CTNND2: variants seen among roughly 807,000 people sequenced by gnomAD.
CTNND2 encodes catenin delta 2.
In CTNND2, 22 loss-of-function variants were observed where a neutral mutation model predicts 144.4. That is an observed-to-expected ratio of 0.15 (90% CI 0.11 to 0.22). CTNND2 has a LOEUF of 0.22. CTNND2 is among the 10% of genes least tolerant of loss of function. The probability of loss-of-function intolerance (pLI) is 1.00; values close to 1 mark genes in which losing one functional copy is unlikely to be tolerated. For synonymous variants in CTNND2, 751 were observed against 695.6 expected (o/e 1.08, Z -1.25); for missense variants, 1,353 against 1,618.8 (o/e 0.84, Z 2.82).
intron 3 of CTNND2, among the ~76,000 whole-genome samples, chr5:11,483,630 CT>C (rs1334157564): frequency 6.6e-6 from 1 of 152,226 alleles, no homozygotes; most frequent in Non-Finnish European, 1.5e-5. Flanking sequence ...TCCTACTTCA[CT>C]CACTTGCGAA....
Position 11,903,896 on chromosome 5 carries a change from T to C in CTNND2, c.-43A>G. 7.1e-7 allele frequency: 1 copy of C among 1,406,752 alleles called. No individual in the cohort carries two copies. Among genetic ancestry groups the C allele is most frequent in the Admixed American group, 3.3e-5 (1 of 30,078 alleles). The allele number at this position is 1,406,752 out of a possible 1,614,324, so 87.1% of individuals were successfully genotyped here. A position where few individuals can be genotyped will look rare whatever the true frequency, so the allele number is the denominator to read the frequency against. On this transcript the variant is annotated 5_prime_UTR_variant, in exon 1 of 22. Transcript: ENST00000304623. This position sits in a 1 kb window ranked among gnomAD's most constrained non-coding sequence, Gnocchi z 5.4. Reference sequence around the variant, plus strand: ...CAGCTCCTCAGTCCGGGAAGAGGCGTGCGCGGCGCCGCCCGGCTTCAGGGC... The same window carrying C: ...CAGCTCCTCAGTCCGGGAAGAGGCGCGCGCGGCGCCGCCCGGCTTCAGGGC...
intron 9 of CTNND2, among the ~76,000 whole-genome samples, chr5:11,279,291 C>T (rs1746873222): frequency 6.6e-6 from 1 of 151,982 alleles, no homozygotes; most frequent in African/African-American, 2.4e-5. Flanking sequence ...CAAAACTGTC[C>T]CTCTCACCAT....
chr5:11,476,760 A>G (rs1379759906), intron 3 of CTNND2, among the ~76,000 whole-genome samples: 1 of 152,228 alleles, frequency 6.6e-6, no homozygotes, highest in Non-Finnish European at 1.5e-5. Context: ...AAAGTGCTAT[A>G]TAAGTGCAAA....
chr5:11,716,781 T>G (rs1270391848), intron 2 of CTNND2, among the ~76,000 whole-genome samples: 3 of 151,966 alleles, frequency 2.0e-5, no homozygotes, highest in Non-Finnish European at 4.4e-5. Context: ...CCTCCACCTA[T>G]GTTCAAGCAA....
rs558838976 is a variant in CTNND2, at chr5:11,436,699, A to C, written c.288-24630T>G. 2.0e-5 allele frequency among the ~76,000 whole-genome samples: 3 copies of C among 152,344 alleles called. No individual in the cohort carries two copies. The East Asian group carries it at 5.8e-4, about 29-fold the overall frequency. ...AGCCTAAGCTATTTTATTTAGAACA[A>C]AGGATTTCAAAAATTTCACCCAGGA... On this transcript the variant is annotated intron_variant, in intron 3 of 21. Coordinates refer to ENST00000304623, the MANE Select transcript of CTNND2 (RefSeq NM_001332.4).
rs568533448 is a variant in CTNND2, at chr5:11,078,497, T to C, written c.2788+4199A>G. Among the ~76,000 whole-genome samples, 6 of 152,318 alleles carry C rather than the reference T, an allele frequency of 3.9e-5. No homozygotes were observed. The South Asian group carries it at 1.2e-3, about 32-fold the overall frequency. On this transcript the variant is annotated intron_variant, in intron 16 of 21. Transcript: ENST00000304623. ...AAGGTTTCGTTGAACACAGGCAGTA[T>C]AGTGGTCTAAATATTCCTGTCTCCG...
chr5:11,056,157 G>A (rs1046007821), intron 16 of CTNND2, among the ~76,000 whole-genome samples: 1 of 152,160 alleles, frequency 6.6e-6, no homozygotes, highest in Admixed American at 6.5e-5. Context: ...AATGACTTTT[G>A]TTTCTGAGAA....
At chr5:11,509,321 T>C (rs190228793) in intron 3 of CTNND2, among the ~76,000 whole-genome samples, 105 of 152,218 alleles carry the variant, frequency 6.9e-4, no homozygotes, top group Middle Eastern at 6.8e-3. Flanking sequence ...ATAAAACAGA[T>C]AGAAGAAGCT....
chr5:11,667,553 A>C lies in CTNND2; in HGVS notation c.174+64583T>G, dbSNP rs540221760. ...ATTTTTTCATATGTCTGTTGGCTGC[A>C]TAAAAATCTTCTTTTGAAAAGTATC... On this transcript the variant is annotated intron_variant, in intron 2 of 21. Coordinates refer to ENST00000304623, the MANE Select transcript of CTNND2 (RefSeq NM_001332.4). Among the ~76,000 whole-genome samples the C allele has an allele frequency of 2.0e-5, 3 of 152,342 alleles. No individual in the cohort carries two copies. The East Asian group carries it at 5.8e-4, about 29-fold the overall frequency.
intron 2 of CTNND2, among the ~76,000 whole-genome samples, chr5:11,695,988 T>C (rs1016276001): frequency 6.6e-6 from 1 of 152,266 alleles, no homozygotes; most frequent in African/African-American, 2.4e-5. Flanking sequence ...GCCACTTTTA[T>C]TATAAATATT....
At chr5:11,340,428 T>A (rs1754132489) in intron 9 of CTNND2, among the ~76,000 whole-genome samples, 1 of 151,926 alleles carries the variant, frequency 6.6e-6, no homozygotes, top group Admixed American at 6.5e-5. Flanking sequence ...GAGGGAGAGG[T>A]CCTGAGGAGT....
intron 3 of CTNND2, among the ~76,000 whole-genome samples, chr5:11,474,320 G>A (rs987088406): frequency 3.9e-5 from 6 of 152,166 alleles, no homozygotes; most frequent in African/African-American, 9.7e-5. Context: ...CTCCCAAAAT[G>A]AGCAAGGCTT....
intron 7 of CTNND2, among the ~76,000 whole-genome samples, chr5:11,366,506 T>C (rs756844793): frequency 6.6e-6 from 1 of 152,156 alleles, no homozygotes. Flanking sequence ...GTAACTGTTT[T>C]GCATAATTAG....
intron 3 of CTNND2, among the ~76,000 whole-genome samples, chr5:11,433,428 C>G (rs1763478670): frequency 6.6e-6 from 1 of 152,142 alleles, no homozygotes; most frequent in Admixed American, 6.5e-5. Flanking sequence ...GCTGTTGTAT[C>G]AGGCTATTCT....
intron 12 of CTNND2, among the ~76,000 whole-genome samples, chr5:11,139,723 C>G (rs1756524721): frequency 6.6e-6 from 1 of 152,216 alleles, no homozygotes; most frequent in Non-Finnish European, 1.5e-5. Flanking sequence ...CTGCTAGGTT[C>G]CTCCTGCTGC....
intron 1 of CTNND2, among the ~76,000 whole-genome samples, chr5:11,818,335 T>C (rs1029070599): frequency 2.6e-5 from 4 of 151,976 alleles, no homozygotes; most frequent in African/African-American, 7.2e-5. Context: ...ACTGGAGGAT[T>C]TCCTTTGACC....
intron 9 of CTNND2, among the ~76,000 whole-genome samples, chr5:11,345,655 T>C (rs531637726): frequency 5.9e-5 from 9 of 152,178 alleles, no homozygotes; most frequent in Non-Finnish European, 1.2e-4. Context: ...TATATATTTA[T>C]GGGACTCTAT....
At chr5:11,750,532 A>C (rs1788553627) in intron 1 of CTNND2, among the ~76,000 whole-genome samples, 1 of 151,872 alleles carries the variant, frequency 6.6e-6, no homozygotes, top group African/African-American at 2.4e-5. Context: ...TACCTACAAA[A>C]GTTTCTGAGT....
intron 2 of CTNND2, among the ~76,000 whole-genome samples, chr5:11,693,592 A>G (rs999505023): frequency 6.6e-6 from 1 of 152,252 alleles, no homozygotes; most frequent in Non-Finnish European, 1.5e-5. Flanking sequence ...CAAATCTTCA[A>G]TGCAATGGAA....
Sources: allele counts gnomAD v4.1 joint callset (sites outside exome capture counted in the v4.1 genomes callset), GRCh38; gene constraint gnomAD v4.1.1; non-coding constraint Gnocchi (gnomAD v3.1); transcripts MANE v1.5; gene names NCBI Gene and HGNC (gene_info 2026-07-23, HGNC 2026-07-21).